RBFOX1: variants seen among roughly 807,000 people sequenced by gnomAD.
The protein encoded by RBFOX1 is RNA binding protein fox-1 homolog 1.
In RBFOX1, 8 loss-of-function variants were observed where a neutral mutation model predicts 57.7. The ratio of observed to expected loss-of-function variants is 0.14; its 90% CI spans 0.08 to 0.25. RBFOX1 has a LOEUF of 0.25. Ranked by LOEUF, RBFOX1 falls within the 10% of genes least tolerant of loss-of-function variation. RBFOX1 has a pLI of 1.00. For missense variants in RBFOX1, 611 were observed against 548.5 expected, an observed-to-expected ratio of 1.11 and a Z score of -1.14; for synonymous variants, 326 against 222.4, an observed-to-expected ratio of 1.47 and a Z score of -4.15.
At chr16:6,062,361 C>A (rs983427314) in intron 1 of RBFOX1, among the ~76,000 whole-genome samples, 8 of 151,914 alleles carry the variant, frequency 5.3e-5, no homozygotes, top group Non-Finnish European at 1.0e-4. Flanking sequence ...AAGGTAGGTC[C>A]CCCTGGCAAC....
intron 3 of RBFOX1, among the ~76,000 whole-genome samples, chr16:6,899,084 G>A (rs563802951): frequency 6.5e-5 from 7 of 108,008 alleles, no homozygotes; most frequent in African/African-American, 2.0e-4. Flanking sequence ...ACATGTACAC[G>A]TGTATAATGT....
At chr16:6,976,569 G>A (rs1039220808) in intron 3 of RBFOX1, among the ~76,000 whole-genome samples, 1 of 151,746 alleles carries the variant, frequency 6.6e-6, no homozygotes, top group Non-Finnish European at 1.5e-5. Context: ...AAAGGCAAGT[G>A]GTGAAAGAAC....
At chr16:5,802,033 CG>C (rs1347267333) in intron 3 of RBFOX1, among the ~76,000 whole-genome samples, 2 of 152,054 alleles carry the variant, frequency 1.3e-5, no homozygotes, top group African/African-American at 4.8e-5. Context: ...GAGACCTTGA[CG>C]GGGCCTCTTT....
At chr16:7,443,318 G>A (rs982941972) in intron 4 of RBFOX1, among the ~76,000 whole-genome samples, 2 of 152,030 alleles carry the variant, frequency 1.3e-5, no homozygotes, top group African/African-American at 2.4e-5. Flanking sequence ...TTGATCAGCA[G>A]CCTTTACTGT....
chr16:7,167,805 A>G (rs1691135097), intron 4 of RBFOX1, among the ~76,000 whole-genome samples: 1 of 152,178 alleles, frequency 6.6e-6, no homozygotes, highest in African/African-American at 2.4e-5. Context: ...GCAGAGTTGA[A>G]TAACTGCGAC....
At chr16:5,370,146 T>A (rs1455641751) in intron 1 of RBFOX1, among the ~76,000 whole-genome samples, 2 of 152,170 alleles carry the variant, frequency 1.3e-5, no homozygotes, top group African/African-American at 4.8e-5. Flanking sequence ...AGTCTCTTTT[T>A]GGAGTTGCAA....
chr16:6,684,141 A>C (rs953208156), intron 3 of RBFOX1, among the ~76,000 whole-genome samples: 1 of 152,210 alleles, frequency 6.6e-6, no homozygotes, highest in Non-Finnish European at 1.5e-5. Context: ...TGGTATCAGC[A>C]TGCTTTTATG....
chr16:6,610,590 G>A (rs765614261), intron 2 of RBFOX1, among the ~76,000 whole-genome samples: 5 of 152,046 alleles, frequency 3.3e-5, no homozygotes, highest in East Asian at 1.9e-4. Context: ...TTAGCCTCCC[G>A]AAATGCTGGG....
intron 1 of RBFOX1, among the ~76,000 whole-genome samples, chr16:6,142,312 C>A (rs1376567252): frequency 6.7e-6 from 1 of 150,152 alleles, no homozygotes; most frequent in Non-Finnish European, 1.5e-5. Context: ...AGCTCCACCT[C>A]CTGAGTTCAC....
At chr16:5,497,725 G>C (rs2043050947) in intron 2 of RBFOX1, among the ~76,000 whole-genome samples, 1 of 152,096 alleles carries the variant, frequency 6.6e-6, no homozygotes, top group Non-Finnish European at 1.5e-5. Context: ...GTCGCAGTGA[G>C]CTGAGCTGAG....
intron 4 of RBFOX1, among the ~76,000 whole-genome samples, chr16:7,379,914 A>C (rs1409060037): frequency 1.3e-5 from 2 of 151,856 alleles, no homozygotes; most frequent in Non-Finnish European, 2.9e-5. Context: ...GTGCAATGGC[A>C]CCATCATATC....
intron 4 of RBFOX1, among the ~76,000 whole-genome samples, chr16:7,356,937 A>G (rs2097224922): frequency 6.6e-6 from 1 of 152,164 alleles, no homozygotes; most frequent in Non-Finnish European, 1.5e-5. Flanking sequence ...GAAGATTGAG[A>G]TCAAGTCTTG....
At chr16:7,247,816 C>A (rs1440886778) in intron 4 of RBFOX1, among the ~76,000 whole-genome samples, 1 of 152,124 alleles carries the variant, frequency 6.6e-6, no homozygotes, top group Non-Finnish European at 1.5e-5. Flanking sequence ...CATGTTCTCA[C>A]TTATAAGTGG....
At chr16:6,858,719 C>T (rs775064571) in intron 3 of RBFOX1, among the ~76,000 whole-genome samples, 2 of 152,084 alleles carry the variant, frequency 1.3e-5, no homozygotes, top group Non-Finnish European at 2.9e-5. Context: ...GTGTTCAGCT[C>T]AGCCTCTTTA....
intron 2 of RBFOX1, among the ~76,000 whole-genome samples, chr16:6,546,155 G>C (rs1335068539): frequency 6.6e-6 from 1 of 152,176 alleles, no homozygotes; most frequent in Non-Finnish European, 1.5e-5. Flanking sequence ...TGTGACCTGT[G>C]GGCCATGGGT....
intron 2 of RBFOX1, among the ~76,000 whole-genome samples, chr16:5,512,810 T>C (rs1368407899): frequency 6.6e-6 from 1 of 152,190 alleles, no homozygotes; most frequent in Non-Finnish European, 1.5e-5. Flanking sequence ...AGGATTCCTT[T>C]AGTTCTTGCC....
intron 2 of RBFOX1, among the ~76,000 whole-genome samples, chr16:5,594,564 A>G (rs1446455716): frequency 2.0e-5 from 3 of 152,214 alleles, no homozygotes; most frequent in Non-Finnish European, 4.4e-5. Context: ...AAGCAAAGGC[A>G]GGAAGACAGG....
intron 3 of RBFOX1, among the ~76,000 whole-genome samples, chr16:6,851,727 G>C (rs969295033): frequency 6.6e-6 from 1 of 152,066 alleles, no homozygotes; most frequent in African/African-American, 2.4e-5. Context: ...GGCAAATTCA[G>C]AGCATGATTT....
chr16:6,733,152 A>C (rs2069112967), intron 3 of RBFOX1, among the ~76,000 whole-genome samples: 1 of 152,220 alleles, frequency 6.6e-6, no homozygotes, highest in Non-Finnish European at 1.5e-5. Context: ...GTGAATAATG[A>C]GAACAGCCAA....
Sources: gnomAD v4.1 joint callset for allele counts (sites outside exome capture counted in the v4.1 genomes callset) on GRCh38, gnomAD v4.1.1 for gene constraint, MANE v1.5 for transcripts, NCBI Gene and HGNC (gene_info 2026-07-23, HGNC 2026-07-21) for gene names.